Variants in SEL1L2 observed in about 807,000 individuals in gnomAD.
The protein encoded by SEL1L2 is SEL1L2 adaptor subunit of SYVN1 ubiquitin ligase.
In SEL1L2, 89 loss-of-function variants were observed where a neutral mutation model predicts 98.8. That is an observed-to-expected ratio of 0.90 (90% CI 0.76 to 1.07). The LOEUF (loss-of-function observed/expected upper bound fraction) is 1.07, where lower values mean the gene tolerates loss of function less well. Among genes scored for constraint, SEL1L2 ranks in the 50% least tolerant of loss-of-function variants. The probability of loss-of-function intolerance (pLI) is 0.00; values close to 1 mark genes in which losing one functional copy is unlikely to be tolerated. For synonymous variants in SEL1L2, 262 were observed against 278.5 expected (o/e 0.94, Z 0.59); for missense variants, 788 against 812.0 (o/e 0.97, Z 0.36).
At chr20:13,953,572 C>G (rs2050377607) in intron 2 of SEL1L2, among the ~76,000 whole-genome samples, 1 of 152,180 alleles carries the variant, frequency 6.6e-6, no homozygotes, top group Non-Finnish European at 1.5e-5. Flanking sequence ...GGGCTGCATA[C>G]TGGGTGAATG....
intron 1 of SEL1L2, 130 bp downstream of exon 1, chr20:13,990,347 T>G (rs1213488841): frequency 1.5e-6 from 1 of 674,994 alleles, no homozygotes; most frequent in Non-Finnish European, 2.6e-6. Flanking sequence ...TTAAAGTACC[T>G]GTACAAAAAT....
rs964620571 is a variant in SEL1L2 at position 13,894,191 on chromosome 20, G to C, written c.550-5679C>G. On this transcript the variant is annotated intron_variant, in intron 5 of 19. Coordinates refer to ENST00000284951, the MANE Select transcript of SEL1L2 (RefSeq NM_025229.2). The stretch of plus-strand genomic sequence containing the variant: ...AGAAGAAAGGAAGTACTAAAGATTA[G>C]AGTAGAAATAAAAGAGACTAGAAAG... 4.6e-5 allele frequency among the ~76,000 whole-genome samples: 7 copies of C among 152,244 alleles called. No homozygotes were observed. The South Asian group carries it at 1.0e-3, about 23-fold the overall frequency.
upstream of SEL1L2, chr20:13,995,280 C>T (rs762582563): frequency 1.3e-5 from 3 of 235,060 alleles, no homozygotes; most frequent in South Asian, 4.8e-5. This position sits in a 1 kb window ranked among gnomAD's most constrained non-coding sequence, Gnocchi z 4.3. Context: ...CTCCAGCCCC[C>T]TCGCTCCCTG....
intron 18 of SEL1L2, among the ~76,000 whole-genome samples, chr20:13,857,397 A>G (rs1019936813): frequency 5.9e-5 from 9 of 152,214 alleles, no homozygotes; most frequent in Admixed American, 2.6e-4. Context: ...ACTATTTGAC[A>G]TTGTGAAGGA....
In SEL1L2 at chr20:13,920,653, C is replaced by T. The variant is rs1053941214; in HGVS notation, c.284-1530G>A. On this transcript the variant is annotated intron_variant, in intron 3 of 19. Transcript: ENST00000284951. ...GTGCCTCTTGAAGTCCATTACAACA[C>T]TTAGTAAAATCTTTGATTAGAAGAA... Among the ~76,000 whole-genome samples, 4 of 152,002 alleles carry T rather than the reference C, an allele frequency of 2.6e-5. No individual in the cohort carries two copies. In the East Asian group the frequency reaches 5.8e-4, roughly 22 times the overall value.
intron 2 of SEL1L2, among the ~76,000 whole-genome samples, chr20:13,942,169 C>G (rs1672312673): frequency 6.6e-6 from 1 of 152,100 alleles, no homozygotes; most frequent in African/African-American, 2.4e-5. Flanking sequence ...GAGATGCTAT[C>G]GAGATATAAT....
chr20:13,882,142 A>G (rs1244613999), intron 10 of SEL1L2, among the ~76,000 whole-genome samples: 1 of 152,194 alleles, frequency 6.6e-6, no homozygotes, highest in Non-Finnish European at 1.5e-5. Context: ...AAAAGAAAAC[A>G]TTATCCTGTC....
intron 5 of SEL1L2, among the ~76,000 whole-genome samples, chr20:13,905,348 T>C (rs2047876176): frequency 6.7e-6 from 1 of 149,862 alleles, no homozygotes; most frequent in African/African-American, 2.5e-5. Flanking sequence ...AGTCTCACTC[T>C]TGTCACCCGG....
At chr20:13,980,414 G>T (rs1169727259) in intron 1 of SEL1L2, among the ~76,000 whole-genome samples, 1 of 152,102 alleles carries the variant, frequency 6.6e-6, no homozygotes, top group African/African-American at 2.4e-5. Context: ...CACCATGTTG[G>T]CCAGGCTGGT....
chr20:13,850,221 C>T lies in SEL1L2; in HGVS notation c.1917G>A (p.Thr639=), dbSNP rs201001973. 2,093 of 1,613,924 alleles carry T rather than the reference C, an allele frequency of 1.3e-3. 5 individuals carry two copies. The highest frequency in any genetic ancestry group is 1.6e-3 in the Non-Finnish European group (1,910 of 1,179,874). ...AAAACAGGATATCCCGGAGCAAATG[C>T]GTAGTTTCCAGTTTCATGACGGCAA... The part of the protein sequence containing the change: ...VLFAVMKLET[T]HLLRDILFFN... Residue 639 remains threonine (T), a synonymous_variant, in exon 19 of 20, where the codon ACG becomes ACA. Coordinates refer to ENST00000284951, the MANE Select transcript of SEL1L2 (RefSeq NM_025229.2).
At chr20:13,870,648 CATGGTGGCCCATGCCTGT>C (rs2046143280) in intron 12 of SEL1L2, among the ~76,000 whole-genome samples, 1 of 152,088 alleles carries the variant, frequency 6.6e-6, no homozygotes, top group Non-Finnish European at 1.5e-5. Context: ...TGAGGCCGGG[CATGGTGGCCCATGCCTGT>C]AATCCCAGCA....
At chr20:13,904,251 G>A (rs537567612) in intron 5 of SEL1L2, among the ~76,000 whole-genome samples, 6 of 152,128 alleles carry the variant, frequency 3.9e-5, no homozygotes, top group Admixed American at 6.5e-5. Context: ...GTATTTGGCC[G>A]GGCACACTGG....
chr20:13,976,732 A>C (rs2051557716), intron 1 of SEL1L2, among the ~76,000 whole-genome samples: 1 of 152,242 alleles, frequency 6.6e-6, no homozygotes, highest in Admixed American at 6.5e-5. Flanking sequence ...GAGAAAAGCA[A>C]GTTAGAAGTG....
At chr20:13,907,723 T>C (rs2048007676) in intron 5 of SEL1L2, among the ~76,000 whole-genome samples, 1 of 130,194 alleles carries the variant, frequency 7.7e-6, no homozygotes, top group Non-Finnish European at 1.6e-5. Flanking sequence ...TCTTTCTTTC[T>C]TTCTTTCTTT....
At chr20:13,874,879 G>T (rs2046365045) in intron 12 of SEL1L2, among the ~76,000 whole-genome samples, 1 of 152,132 alleles carries the variant, frequency 6.6e-6, no homozygotes, top group East Asian at 1.9e-4. Flanking sequence ...ACAACAAAAT[G>T]CTTCCTACTG....
At chr20:13,993,177 T>G (rs927733523), upstream of SEL1L2, among the ~76,000 whole-genome samples, 7 of 152,206 alleles carry the variant, frequency 4.6e-5, no homozygotes, top group Admixed American at 6.5e-5. Context: ...ATAGTCCAGC[T>G]AAATTCAGAC....
At chr20:13,899,758 T>C (rs1021350912) in intron 5 of SEL1L2, among the ~76,000 whole-genome samples, 2 of 152,186 alleles carry the variant, frequency 1.3e-5, no homozygotes, top group African/African-American at 4.8e-5. Flanking sequence ...GCAAGTACCA[T>C]GAAGAAAACT....
chr20:13,904,106 G>A (rs117755125), intron 5 of SEL1L2, among the ~76,000 whole-genome samples: 1 of 152,116 alleles, frequency 6.6e-6, no homozygotes, highest in African/African-American at 2.4e-5. Context: ...ACAATTTCAA[G>A]TACAAAGAAC....
At chr20:13,864,577 C>G (rs922898505) in intron 17 of SEL1L2, among the ~76,000 whole-genome samples, 4 of 152,150 alleles carry the variant, frequency 2.6e-5, no homozygotes, top group African/African-American at 9.7e-5. Flanking sequence ...TCTTATATTC[C>G]TTATCCATGT....
Sources: gnomAD v4.1 joint callset for allele counts (sites outside exome capture counted in the v4.1 genomes callset) on GRCh38, gnomAD v4.1.1 for gene constraint, Gnocchi (gnomAD v3.1) non-coding constraint, MANE v1.5 for transcripts, NCBI Gene and HGNC (gene_info 2026-07-23, HGNC 2026-07-21) for gene names.